Variants in FRMPD4 observed in about 807,000 individuals in gnomAD.
FRMPD4 encodes FERM and PDZ domain-containing protein 4.
FRMPD4 carries 22 observed loss-of-function variants against 94.1 expected under a neutral mutation model. The observed-to-expected ratio is 0.23, with a 90% CI of 0.17 to 0.33. FRMPD4 has a LOEUF of 0.33. FRMPD4 is among the 10% of genes least tolerant of loss of function. FRMPD4 has a pLI of 1.00. For synonymous variants in FRMPD4, 631 were observed against 548.6 expected (o/e 1.15, Z -2.10); for missense variants, 1,111 against 1,339.9 (o/e 0.83, Z 2.67).
At chrX:12,249,880 A>C (rs1020399870) in intron 1 of FRMPD4, among the ~76,000 whole-genome samples, 1 of 111,835 alleles carries the variant, frequency 8.9e-6, no homozygotes, top group African/African-American at 3.3e-5. Context: ...TGTATTTTGC[A>C]GTCATGTGTG....
chrX:12,662,670 A>C (rs2059729845), intron 4 of FRMPD4, among the ~76,000 whole-genome samples: 1 of 112,142 alleles, frequency 8.9e-6, no homozygotes, highest in African/African-American at 3.2e-5. Flanking sequence ...ATATGTGTGG[A>C]TGTGTCTTTA....
chrX:12,403,339 G>C (rs1046422505), intron 1 of FRMPD4, among the ~76,000 whole-genome samples: 2 of 109,122 alleles, frequency 1.8e-5, no homozygotes, highest in Non-Finnish European at 3.8e-5. Context: ...CAGGGTCTTT[G>C]AGCTTCTGTC....
intron 2 of FRMPD4, among the ~76,000 whole-genome samples, chrX:12,513,351 TTTTACA>T (rs1373231545): frequency 1.8e-5 from 2 of 112,041 alleles, no homozygotes; most frequent in African/African-American, 6.5e-5. Context: ...TAGTTTTGTG[TTTTACA>T]TTTAAGTCTC....
At chrX:12,396,179 C>T (rs769816782) in intron 1 of FRMPD4, 1 of 111,838 alleles carries the variant, frequency 8.9e-6, no homozygotes, top group Non-Finnish European at 1.9e-5. Context: ...TTTTACAGAT[C>T]AGGCTGCTTA....
At chrX:12,027,523 C>G (rs899970254) in intron 3 of FRMPD4, among the ~76,000 whole-genome samples, 22 of 111,497 alleles carry the variant, frequency 2.0e-4, no homozygotes, top group African/African-American at 7.2e-4. Context: ...AATAACTGTT[C>G]AGGGAAGTCA....
chrX:12,574,005 TTTTA>T (rs1410752545), intron 2 of FRMPD4, among the ~76,000 whole-genome samples: 6 of 112,429 alleles, frequency 5.3e-5, no homozygotes, highest in African/African-American at 1.9e-4. Context: ...GTTTATTTAT[TTTTA>T]TTTATTTTTT....
chrX:12,113,622 T>G (rs1355631070), intron 3 of FRMPD4, among the ~76,000 whole-genome samples: 2 of 112,088 alleles, frequency 1.8e-5, no homozygotes, highest in African/African-American at 6.5e-5. Context: ...GTGATTAAAT[T>G]GAGTCCCTCT....
intron 2 of FRMPD4, among the ~76,000 whole-genome samples, chrX:11,871,212 A>G (rs1192689736): frequency 1.8e-5 from 2 of 112,568 alleles, no homozygotes; most frequent in Non-Finnish European, 3.8e-5. Context: ...TCTTACCTAC[A>G]GCAGTAACTT....
intron 2 of FRMPD4, among the ~76,000 whole-genome samples, chrX:12,575,176 G>T (rs2058798033): frequency 8.9e-6 from 1 of 111,787 alleles, no homozygotes; most frequent in East Asian, 2.8e-4. Flanking sequence ...GAAATAAAAA[G>T]TGTACTTTAT....
At chrX:12,416,219 C>G (rs960082679) in intron 1 of FRMPD4, among the ~76,000 whole-genome samples, 13 of 110,001 alleles carry the variant, frequency 1.2e-4, no homozygotes, top group African/African-American at 4.3e-4. Context: ...CTCCTTCCTT[C>G]TTTTTTCTTT....
intron 1 of FRMPD4, among the ~76,000 whole-genome samples, chrX:12,349,111 A>C (rs12009096): frequency 2.1e-4 from 23 of 111,264 alleles, no homozygotes; most frequent in African/African-American, 7.2e-4. Flanking sequence ...ACCCATGGTG[A>C]GGTAAGGTTG....
chrX:11,992,590 C>T (rs1016026968), intron 3 of FRMPD4, among the ~76,000 whole-genome samples: 1 of 111,401 alleles, frequency 9.0e-6, no homozygotes, highest in Non-Finnish European at 1.9e-5. Flanking sequence ...GATATGATTA[C>T]ATCAATCTTT....
chrX:12,164,873 T>C (rs1304450024), intron 1 of FRMPD4, among the ~76,000 whole-genome samples: 1 of 112,595 alleles, frequency 8.9e-6, no homozygotes, highest in African/African-American at 3.2e-5. Context: ...GTTCATATCC[T>C]TCGCCCACTT....
At chrX:12,203,037 C>T (rs998172460) in intron 1 of FRMPD4, among the ~76,000 whole-genome samples, 3 of 111,812 alleles carry the variant, frequency 2.7e-5, no homozygotes, top group South Asian at 3.8e-4. Flanking sequence ...TTTTAAGTCA[C>T]TTAGTTTAGG....
At chrX:12,427,897 C>CT (rs139267482) in intron 1 of FRMPD4, among the ~76,000 whole-genome samples, 34 of 54,752 alleles carry the variant, frequency 6.2e-4, no homozygotes, top group Admixed American at 8.6e-4. Flanking sequence ...CCTTTTTTCT[C>CT]TTTTTTTTTT....
intron 1 of FRMPD4, among the ~76,000 whole-genome samples, chrX:12,193,645 ATAAT>A (rs770484803): frequency 7.6e-5 from 8 of 105,068 alleles, no homozygotes; most frequent in African/African-American, 2.8e-4. Flanking sequence ...GTTTGTATAA[ATAAT>A]TAGTGAGCTG....
chrX:12,492,443 G>T (rs1210742940), intron 1 of FRMPD4, among the ~76,000 whole-genome samples: 3 of 112,187 alleles, frequency 2.7e-5, no homozygotes, highest in African/African-American at 9.7e-5. Flanking sequence ...AAAATAATCA[G>T]AAAAGTATTT....
At chrX:12,337,311 C>A (rs2055543214) in intron 1 of FRMPD4, among the ~76,000 whole-genome samples, 1 of 111,600 alleles carries the variant, frequency 9.0e-6, no homozygotes, top group African/African-American at 3.3e-5. Flanking sequence ...TCATTACTGT[C>A]ATTGTTCCGG....
intron 4 of FRMPD4, among the ~76,000 whole-genome samples, chrX:12,661,921 C>A (rs2059718224): frequency 8.9e-6 from 1 of 112,243 alleles, no homozygotes; most frequent in Non-Finnish European, 1.9e-5. Flanking sequence ...CAGCAATTGA[C>A]TAGGCTGACG....
Sources: allele counts gnomAD v4.1 joint callset (sites outside exome capture counted in the v4.1 genomes callset), GRCh38; gene constraint gnomAD v4.1.1; transcripts MANE v1.5; gene names NCBI Gene and HGNC (gene_info 2026-07-23, HGNC 2026-07-21).